DIAPH2: variants seen among roughly 807,000 people sequenced by gnomAD.
DIAPH2 encodes the protein protein diaphanous homolog 2.
DIAPH2 carries 35 observed loss-of-function variants against 92.7 expected under a neutral mutation model. The observed-to-expected ratio is 0.38, with a 90% CI of 0.29 to 0.50. The LOEUF (loss-of-function observed/expected upper bound fraction) is 0.50. Among genes scored for constraint, DIAPH2 ranks in the 20% least tolerant of loss-of-function variants. The pLI is 0.94. For synonymous variants in DIAPH2, 301 were observed against 280.4 expected, an observed-to-expected ratio of 1.07 and a Z score of -0.73; for missense variants, 701 against 819.5, an observed-to-expected ratio of 0.86 and a Z score of 1.77.
chrX:97,420,543 A>C (rs1338211178), intron 25 of DIAPH2, among the ~76,000 whole-genome samples: 1 of 112,067 alleles, frequency 8.9e-6, no homozygotes. Context: ...TCACTATAGG[A>C]AACTGTTAAT....
At chrX:96,886,732 G>T (rs569559559) in intron 5 of DIAPH2, among the ~76,000 whole-genome samples, 146 of 110,707 alleles carry the variant, frequency 1.3e-3, no homozygotes, top group African/African-American at 4.6e-3. Context: ...ATATATACTT[G>T]GAATTGTGGA....
At chrX:97,414,400 C>T (rs916345113) in intron 25 of DIAPH2, among the ~76,000 whole-genome samples, 1 of 111,398 alleles carries the variant, frequency 9.0e-6, no homozygotes, top group African/African-American at 3.3e-5. Context: ...CCTATAATCC[C>T]AGCACTTTTG....
intron 4 of DIAPH2, among the ~76,000 whole-genome samples, chrX:96,798,554 G>A (rs1433943907): frequency 9.1e-6 from 1 of 110,332 alleles, no homozygotes; most frequent in Non-Finnish European, 1.9e-5. Flanking sequence ...GTGCTTACCT[G>A]CTATTCCCAT....
At chrX:96,885,619 C>G (rs998275363) in intron 5 of DIAPH2, among the ~76,000 whole-genome samples, 1 of 110,883 alleles carries the variant, frequency 9.0e-6, no homozygotes, top group Non-Finnish European at 1.9e-5. Flanking sequence ...TTCTAATGCT[C>G]AGTTCAAACA....
chrX:97,202,841 C>T (rs1038068685), intron 22 of DIAPH2, among the ~76,000 whole-genome samples: 4 of 112,254 alleles, frequency 3.6e-5, no homozygotes, highest in African/African-American at 9.7e-5. Context: ...ACCTAATAGA[C>T]ATCTACAGAA....
chrX:97,194,756 T>C (rs188158306), intron 22 of DIAPH2, among the ~76,000 whole-genome samples: 32 of 112,105 alleles, frequency 2.9e-4, no homozygotes, highest in African/African-American at 8.4e-4. Flanking sequence ...AAATGAACCA[T>C]TTTATAGCTT....
chrX:97,597,464 G>A (rs188704307), intron 26 of DIAPH2, among the ~76,000 whole-genome samples: 93 of 111,706 alleles, frequency 8.3e-4, no homozygotes, highest in African/African-American at 2.9e-3. Context: ...AGTGGGTAGT[G>A]AGTGATGGTG....
In DIAPH2 at chrX:97,045,219, AG is replaced by A. The variant is rs748901896; in HGVS notation, c.2051-27721del. Among the ~76,000 whole-genome samples the A allele has an allele frequency of 2.0e-4, 23 of 112,334 alleles. No individual in the cohort carries two copies. The East Asian group carries it at 5.4e-3, about 26-fold the overall frequency. On this transcript the variant is annotated intron_variant, in intron 17 of 26. Transcript: ENST00000324765. ...TCCTAATTATTTGGCCTAAGCAACT[AG>A]TTGATGGTACCATTTATTGAGAAAG...
chrX:97,217,008 T>C (rs2067889006), intron 22 of DIAPH2, among the ~76,000 whole-genome samples: 1 of 111,893 alleles, frequency 8.9e-6, no homozygotes, highest in Non-Finnish European at 1.9e-5. Context: ...GTACTATGTA[T>C]GGAATTGAAT....
intron 5 of DIAPH2, chrX:96,884,737 T>C (rs2065247167): frequency 1.7e-6 from 2 of 1,207,846 alleles, no homozygotes; most frequent in East Asian, 3.0e-5. Context: ...CCTTGAGGTA[T>C]TGAAAATTCA....
At chrX:97,018,323 G>T (rs2066274013) in intron 17 of DIAPH2, among the ~76,000 whole-genome samples, 1 of 112,010 alleles carries the variant, frequency 8.9e-6, no homozygotes, top group South Asian at 3.7e-4. Context: ...ATAACATTTT[G>T]GGGTGATTTT....
intron 7 of DIAPH2, among the ~76,000 whole-genome samples, chrX:96,913,821 T>G (rs993969181): frequency 2.7e-5 from 3 of 110,957 alleles, no homozygotes; most frequent in Admixed American, 1.9e-4. Flanking sequence ...ACAATAATTT[T>G]TCTTCTAAAA....
chrX:96,946,561 G>T lies in DIAPH2; in HGVS notation c.1509+970G>T, dbSNP rs927409505. Reference sequence around the variant, plus strand: ...AATATCTTTGCTCTTTTAGTTACTAGAATAGATTCTAAGAGCTTGAGCATA... The same window carrying T: ...AATATCTTTGCTCTTTTAGTTACTATAATAGATTCTAAGAGCTTGAGCATA... On this transcript the variant is annotated intron_variant, in intron 14 of 26. Coordinates refer to ENST00000324765, the MANE Select transcript of DIAPH2 (RefSeq NM_006729.5). Among the ~76,000 whole-genome samples, 4 of 112,037 alleles carry T rather than the reference G, an allele frequency of 3.6e-5. No homozygotes were observed. The South Asian group carries it at 1.1e-3, about 31-fold the overall frequency.
chrX:96,893,672 T>C (rs956605907), intron 5 of DIAPH2, among the ~76,000 whole-genome samples: 5 of 112,323 alleles, frequency 4.5e-5, no homozygotes, highest in African/African-American at 1.6e-4. Context: ...TGCAGCTTTC[T>C]AGTAATCTAA....
chrX:96,817,349 A>G (rs1163499690), intron 4 of DIAPH2, among the ~76,000 whole-genome samples: 1 of 110,968 alleles, frequency 9.0e-6, no homozygotes, highest in Non-Finnish European at 1.9e-5. Flanking sequence ...ATAAATATAT[A>G]CACCTACTAT....
intron 15 of DIAPH2, among the ~76,000 whole-genome samples, chrX:96,955,261 G>A (rs963526877): frequency 1.1e-4 from 12 of 111,568 alleles, no homozygotes; most frequent in African/African-American, 3.9e-4. Context: ...AAGGGGAAAA[G>A]CCTCTTAAAA....
At chrX:97,438,382 T>TTTTTC (rs1569397556) in intron 26 of DIAPH2, among the ~76,000 whole-genome samples, 1 of 92,488 alleles carries the variant, frequency 1.1e-5, no homozygotes, top group African/African-American at 4.1e-5. Context: ...TTTTTTTTTT[T>TTTTTC]TGAGACAGGG....
At position 97,053,625 on chromosome X, in the gene DIAPH2, C is replaced by A. The variant is rs527672908; in HGVS notation, c.2051-19316C>A. Among the ~76,000 whole-genome samples, 19 of 111,355 alleles carry A rather than the reference C, an allele frequency of 1.7e-4. No individual in the cohort carries two copies. The South Asian group carries it at 7.2e-3, about 42-fold the overall frequency. On this transcript the variant is annotated intron_variant, in intron 17 of 26. Transcript: ENST00000324765. ...CTATTATAACTACCTATTGAAGAAT[C>A]AGAGTGATTCAGGAGGTGATTTCAT...
intron 26 of DIAPH2, among the ~76,000 whole-genome samples, chrX:97,559,965 A>G (rs1431153645): frequency 1.8e-5 from 2 of 111,856 alleles, no homozygotes; most frequent in South Asian, 3.8e-4. Context: ...CTCTAGTTCC[A>G]TTAGAAATTG....
Sources: allele counts gnomAD v4.1 joint callset (sites outside exome capture counted in the v4.1 genomes callset), GRCh38; gene constraint gnomAD v4.1.1; transcripts MANE v1.5; gene names NCBI Gene and HGNC (gene_info 2026-07-23, HGNC 2026-07-21).